RPTOR: variants seen among roughly 807,000 people sequenced by gnomAD.
RPTOR encodes regulatory associated protein of MTOR complex 1.
A neutral mutation model predicts 169.9 loss-of-function variants in RPTOR; 21 were observed. The observed-to-expected ratio is 0.12, with a 90% CI of 0.09 to 0.18. The LOEUF is 0.18. Ranked by LOEUF, RPTOR falls within the 10% of genes least tolerant of loss-of-function variation. RPTOR has a pLI of 1.00. For missense variants in RPTOR, 1,133 were observed against 1,855.9 expected, an observed-to-expected ratio of 0.61 and a Z score of 7.16; for synonymous variants, 732 against 753.2, an observed-to-expected ratio of 0.97 and a Z score of 0.46.
intron 9 of RPTOR, among the ~76,000 whole-genome samples, chr17:80,825,844 G>A (rs539555932): frequency 7.9e-5 from 12 of 152,306 alleles, no homozygotes; most frequent in African/African-American, 2.2e-4. Context: ...AGCAGCCTGC[G>A]GTGTCGTGTC....
Position 80,947,957 on chromosome 17 carries a change from T to C in RPTOR, c.3265+606T>C, listed in dbSNP as rs896858787. On this transcript the variant is annotated intron_variant, in intron 27 of 33. Coordinates refer to ENST00000306801, the MANE Select transcript of RPTOR (RefSeq NM_020761.3). This position sits in a 1 kb window ranked among gnomAD's most constrained non-coding sequence, Gnocchi z 4.4. ...AAATGTCTTAGTTTCATCTTCACTT[T>C]GGAACAATCGTTTGTTTCCATGTCA... 2.0e-5 allele frequency among the ~76,000 whole-genome samples: 3 copies of C among 152,264 alleles called. No homozygotes were observed. The highest frequency in any genetic ancestry group is 7.2e-5 in the African/African-American group (3 of 41,474).
chr17:80,666,676 TG>T (rs1401491837), intron 3 of RPTOR, among the ~76,000 whole-genome samples: 2 of 152,192 alleles, frequency 1.3e-5, no homozygotes, highest in Non-Finnish European at 2.9e-5. Context: ...AAATGTTTAT[TG>T]GGATTCCACT....
chr17:80,918,469 C>A (rs5016362), intron 21 of RPTOR, among the ~76,000 whole-genome samples: 2 of 18,292 alleles, frequency 1.1e-4, no homozygotes, highest in Non-Finnish European at 1.3e-4. Context: ...GCACCCTCGC[C>A]GGAGTCATAG....
At chr17:80,916,973 C>T (rs919970591) in intron 21 of RPTOR, among the ~76,000 whole-genome samples, 4 of 151,900 alleles carry the variant, frequency 2.6e-5, no homozygotes, top group East Asian at 1.9e-4. Context: ...GGCAACAGAG[C>T]GAGACTCTTA....
Position 80,721,197 on chromosome 17 carries a change from C to T in RPTOR, c.508-9363C>T, listed in dbSNP as rs7503911. ...GTAGTCCCCTCTGACCCGGTGACAC[C>T]GTGGGGAGCAGGTGATGTGGTTCCA... is the stretch of plus-strand genomic sequence containing the variant. On this transcript the variant is annotated intron_variant, in intron 4 of 33. Transcript: ENST00000306801. The surrounding 1 kb of genome is among the most constrained non-coding windows in gnomAD (Gnocchi z 4.7). Among the ~76,000 whole-genome samples, 84,944 of 150,320 alleles carry T rather than the reference C, an allele frequency of 0.57. 24,876 individuals are homozygous for T. Among genetic ancestry groups the T allele is most frequent in the African/African-American group, 0.62 (24,600 of 39,974 alleles).
chr17:80,767,973 C>T (rs2066804375), intron 6 of RPTOR, among the ~76,000 whole-genome samples: 1 of 152,154 alleles, frequency 6.6e-6, no homozygotes. Context: ...AAGTGATTCT[C>T]CTGCCTCAGC....
chr17:80,847,074 C>T (rs571295436), intron 11 of RPTOR, among the ~76,000 whole-genome samples: 34 of 152,372 alleles, frequency 2.2e-4, no homozygotes, highest in African/African-American at 7.5e-4. Flanking sequence ...GCGGGCAGAG[C>T]GGCTTTGTGG....
rs2143094451 is a variant in RPTOR at position 80,707,978 on chromosome 17, G to A, written c.486G>A (p.Gly162=). Residue 162 remains glycine (G), a synonymous_variant, in exon 4 of 34, where the codon GGG becomes GGA. Transcript: ENST00000306801. This position sits in a 1 kb window ranked among gnomAD's most constrained non-coding sequence, Gnocchi z 5.0. ...GHGVPRPTVN[G]EVWVFNKNYT... is the part of the protein sequence containing the mutation. ...GGGTGCCCCGGCCCACAGTCAACGG[G>A]GAGGTCTGGGTCTTCAACAAGGTGG... 1 of 1,613,264 alleles carries A rather than the reference G, an allele frequency of 6.2e-7. No homozygotes were observed. The highest frequency in any genetic ancestry group is 1.7e-5 in the Admixed American group (1 of 59,992).
chr17:80,690,639 G>C (rs533456499), intron 3 of RPTOR, among the ~76,000 whole-genome samples: 1 of 140,750 alleles, frequency 7.1e-6, no homozygotes, highest in East Asian at 2.1e-4. Context: ...GGACACAGCC[G>C]GGCTCCCCTA....
At chr17:80,774,128 G>A in intron 6 of RPTOR, 1 of 985,420 alleles carries the variant, frequency 1.0e-6, no homozygotes, top group Non-Finnish European at 1.2e-6. Context: ...TCCTGTTGGT[G>A]TGACTCGAGG....
intron 20 of RPTOR, among the ~76,000 whole-genome samples, chr17:80,905,136 TGCCAA>T (rs1420218800): frequency 1.3e-5 from 2 of 151,886 alleles, no homozygotes; most frequent in African/African-American, 4.8e-5. Flanking sequence ...TTCCTTATAA[TGCCAA>T]ACCCAGCACA....
intron 3 of RPTOR, among the ~76,000 whole-genome samples, chr17:80,691,447 T>C (rs142857893): frequency 6.6e-6 from 1 of 151,650 alleles, no homozygotes; most frequent in African/African-American, 2.4e-5. Flanking sequence ...GTGAGTGATG[T>C]GTGTGTGTGC....
intron 20 of RPTOR, among the ~76,000 whole-genome samples, chr17:80,896,192 G>T (rs59698542): frequency 6.6e-6 from 1 of 151,384 alleles, no homozygotes; most frequent in African/African-American, 2.4e-5. Flanking sequence ...GTGAGGTGGG[G>T]ATCCAGGTTG....
At chr17:80,809,866 G>A (rs150413897) in intron 7 of RPTOR, among the ~76,000 whole-genome samples, 4 of 152,060 alleles carry the variant, frequency 2.6e-5, no homozygotes, top group East Asian at 1.9e-4. Flanking sequence ...GTGAAAGCCC[G>A]TCTCTAATAA....
Position 80,897,578 on chromosome 17 carries a change from G to T in RPTOR, c.2401+3713G>T, listed in dbSNP as rs112729099. On this transcript the variant is annotated intron_variant, in intron 20 of 33. Coordinates refer to ENST00000306801, the MANE Select transcript of RPTOR (RefSeq NM_020761.3). Reference sequence around the variant, plus strand: ...TCTTGTGAAATATCCTTGCATTTCTGGGGGCACCCAGCGTGGTAATGTCCC... The same window carrying T: ...TCTTGTGAAATATCCTTGCATTTCTTGGGGCACCCAGCGTGGTAATGTCCC... 7.0e-3 allele frequency among the ~76,000 whole-genome samples: 1,071 copies of T among 152,332 alleles called. 30 individuals carry two copies. The East Asian group carries it at 0.077, about 11-fold the overall frequency.
At chr17:80,715,914 T>G (rs1268560888) in intron 4 of RPTOR, among the ~76,000 whole-genome samples, 2 of 152,276 alleles carry the variant, frequency 1.3e-5, no homozygotes, top group Non-Finnish European at 2.9e-5. Flanking sequence ...TTTTTATGAC[T>G]GAGTAGTATT....
chr17:80,603,889 A>T (rs1455942027), intron 1 of RPTOR, among the ~76,000 whole-genome samples: 1 of 152,260 alleles, frequency 6.6e-6, no homozygotes, highest in Non-Finnish European at 1.5e-5. Context: ...GGCATTCAGC[A>T]TAAACCATAT....
At chr17:80,964,147 G>A in intron 33 of RPTOR, 115 bp from the exon 34 acceptor site, 2 of 904,966 alleles carry the variant, frequency 2.2e-6, no homozygotes, top group Non-Finnish European at 3.5e-6. Flanking sequence ...GGGCGTGGGG[G>A]TTCCTGAGAC....
At chr17:80,954,408 C>T (rs1198681490) in intron 28 of RPTOR, among the ~76,000 whole-genome samples, 1 of 151,802 alleles carries the variant, frequency 6.6e-6, no homozygotes, top group African/African-American at 2.4e-5. Flanking sequence ...AGGCGTGAGC[C>T]ACTGTGCCCG....
Sources: allele counts gnomAD v4.1 joint callset (sites outside exome capture counted in the v4.1 genomes callset), GRCh38; gene constraint gnomAD v4.1.1; non-coding constraint Gnocchi (gnomAD v3.1); transcripts MANE v1.5; gene names NCBI Gene and HGNC (gene_info 2026-07-23, HGNC 2026-07-21).